The following EHF variants were observed in gnomAD, a reference collection of about 807,000 sequenced individuals.
The protein encoded by EHF is ETS homologous factor.
Under a neutral mutation model 45.1 loss-of-function variants are expected in EHF, and 14 were observed. The observed-to-expected ratio is 0.31, with a 90% confidence interval of 0.21 to 0.49. The LOEUF (loss-of-function observed/expected upper bound fraction) is 0.49. Among genes scored for constraint, EHF ranks in the 20% least tolerant of loss-of-function variants. The pLI is 0.99. For synonymous variants in EHF, 136 were observed against 131.8 expected, an observed-to-expected ratio of 1.03 and a Z score of -0.22; for missense variants, 282 against 371.4, an observed-to-expected ratio of 0.76 and a Z score of 1.98.
rs1429442871 is a variant in EHF, at chr11:34,649,047, C to G, written c.372C>G (p.Ser124=). 9.3e-6 allele frequency: 15 copies of G among 1,613,872 alleles called. No homozygotes were observed. The highest frequency in any genetic ancestry group is 1.6e-4 in the Middle Eastern group (1 of 6,062). Residue 124 remains serine, a synonymous_variant, in exon 4 of 9, where the codon TCC becomes TCG. Transcript: ENST00000257831. ...AGTGCAGTAGTGACCTGTTCCAGTC[C>G]ACACACAATGTCATTGTCAAGACTG... ...NGQCSSDLFQ[S]THNVIVKTEQ... is the part of the protein sequence containing the mutation.
intron 1 of EHF, among the ~76,000 whole-genome samples, chr11:34,634,167 A>C (rs546258610): frequency 6.6e-6 from 1 of 151,878 alleles, no homozygotes; most frequent in East Asian, 1.9e-4. Flanking sequence ...TATTATATTC[A>C]GTTGCCTTTC....
intron 3 of EHF, 72 bp from the exon 4 acceptor site, chr11:34,648,947 C>T (rs902697132): frequency 6.2e-5 from 90 of 1,442,848 alleles, no homozygotes; most frequent in Non-Finnish European, 8.2e-5. Context: ...GATGCCAGTT[C>T]TGTCCTTATT....
intron 1 of EHF, among the ~76,000 whole-genome samples, chr11:34,635,701 C>CT (rs11381442): frequency 0.55 from 67,972 of 124,082 alleles, 20,217 homozygotes; most frequent in Non-Finnish European, 0.65. Flanking sequence ...TCTTCCTGGT[C>CT]TTTTTTTTTT....
At chr11:34,641,147 T>G (rs1200068027) in intron 1 of EHF, among the ~76,000 whole-genome samples, 1 of 152,150 alleles carries the variant, frequency 6.6e-6, no homozygotes, top group East Asian at 1.9e-4. Context: ...TCTTTGCTGT[T>G]ATAATGTCCA....
chr11:34,632,372 T>C, intron 1 of EHF: 1 of 1,070,584 alleles, frequency 9.3e-7, no homozygotes, highest in Non-Finnish European at 1.3e-6. Flanking sequence ...AACAGCTCTG[T>C]TTACGGTGGG....
rs1372669982 is a variant in EHF at position 34,658,705 on chromosome 11, T to C, written c.780T>C (p.Tyr260=). 3.1e-6 allele frequency: 5 copies of C among 1,613,556 alleles called. No homozygotes were observed. The highest frequency in any genetic ancestry group is 4.5e-5 in the East Asian group (2 of 44,866). The change falls in exon 8 of 9, where the codon TAT becomes TAC. Residue 260 remains tyrosine, a synonymous_variant. Coordinates refer to ENST00000257831, the MANE Select transcript of EHF (RefSeq NM_012153.6). Reference sequence around the variant, plus strand: ...AGAAGAACAACAGCAGCATGACCTATGAAAAGCTCAGCCGAGCTATGAGGT... The same window carrying C: ...AGAAGAACAACAGCAGCATGACCTACGAAAAGCTCAGCCGAGCTATGAGGT... ...GKKKNNSSMT[Y]EKLSRAMRYY... is the part of the protein sequence containing the mutation.
chr11:34,633,325 A>G (rs1458817091), intron 1 of EHF, among the ~76,000 whole-genome samples: 1 of 152,184 alleles, frequency 6.6e-6, no homozygotes, highest in East Asian at 1.9e-4. Flanking sequence ...CTAACTTTAT[A>G]AGGACTTGCT....
chr11:34,639,100 T>C lies in EHF; in HGVS notation c.-3-3528T>C, dbSNP rs142648428. 9.3e-4 allele frequency among the ~76,000 whole-genome samples: 141 copies of C among 152,284 alleles called. 1 individual carries two copies. Among genetic ancestry groups the C allele is most frequent in the African/African-American group, 3.2e-3 (133 of 41,564 alleles). On this transcript the variant is annotated intron_variant, in intron 1 of 8. Transcript: ENST00000257831. ...CGCAACCCCCTCCAGCTCTCCCATT[T>C]CTAAACCAGTGCGAGAAATGGAGGC...
intron 4 of EHF, among the ~76,000 whole-genome samples, chr11:34,650,608 G>T (rs1051997803): frequency 6.6e-6 from 1 of 152,200 alleles, no homozygotes; most frequent in African/African-American, 2.4e-5. Context: ...GGTAACCTAG[G>T]TCTGCGGTGA....
At chr11:34,622,237 TC>T (rs2133952945) in intron 1 of EHF, 1 of 263,976 alleles carries the variant, frequency 3.8e-6, no homozygotes, top group African/African-American at 2.2e-5. Flanking sequence ...TTTACCATGC[TC>T]CCAGGATGGT....
chr11:34,655,326 A>G (rs1855558073), intron 6 of EHF, among the ~76,000 whole-genome samples: 1 of 152,198 alleles, frequency 6.6e-6, no homozygotes, highest in African/African-American at 2.4e-5. Context: ...AGATGGTTGA[A>G]AGGGCCCATG....
At chr11:34,631,607 G>C in intron 1 of EHF, 2 of 982,422 alleles carry the variant, frequency 2.0e-6, no homozygotes, top group African/African-American at 3.5e-5. Context: ...AGATGAGTGG[G>C]TCTACACAGC....
intron 6 of EHF, among the ~76,000 whole-genome samples, chr11:34,652,709 G>T (rs74903044): frequency 1.5e-5 from 1 of 66,404 alleles, no homozygotes; most frequent in African/African-American, 3.1e-5. Context: ...CTTTGTGAAA[G>T]AAATTAGTCT....
chr11:34,644,194 A>G (rs1266983504), intron 2 of EHF, among the ~76,000 whole-genome samples: 2 of 152,150 alleles, frequency 1.3e-5, no homozygotes, highest in Admixed American at 6.5e-5. Context: ...ATTATTCTAG[A>G]TGTGCTGTTA....
At chr11:34,628,897 G>T (rs1434174133) in intron 1 of EHF, among the ~76,000 whole-genome samples, 1 of 152,160 alleles carries the variant, frequency 6.6e-6, no homozygotes, top group Non-Finnish European at 1.5e-5. Context: ...TTCCATGTTT[G>T]GTTTAAGGCT....
chr11:34,657,733 T>A (rs1279867568), intron 7 of EHF, among the ~76,000 whole-genome samples: 1 of 151,598 alleles, frequency 6.6e-6, no homozygotes, highest in African/African-American at 2.4e-5. Context: ...TAGGCTGTGA[T>A]GAACTGTAAT....
chr11:34,639,916 A>C (rs1853814053), intron 1 of EHF, among the ~76,000 whole-genome samples: 1 of 152,194 alleles, frequency 6.6e-6, no homozygotes, highest in Non-Finnish European at 1.5e-5. Context: ...GGATGTTTCC[A>C]GAAGGTCATG....
At position 34,639,270 on chromosome 11, in the gene EHF, G is replaced by A. The variant is rs532373491; in HGVS notation, c.-3-3358G>A. 2.6e-5 allele frequency among the ~76,000 whole-genome samples: 4 copies of A among 152,196 alleles called. No homozygotes were observed. The East Asian group carries it at 7.7e-4, about 29-fold the overall frequency. ...GAAAATAATGAAAGCTATGCTGAAA[G>A]CAAAGTAGGGAGCTGAAATAAGAGC... On this transcript the variant is annotated intron_variant, in intron 1 of 8. Transcript: ENST00000257831.
chr11:34,649,721 C>T (rs1277036100), intron 4 of EHF, among the ~76,000 whole-genome samples: 3 of 152,134 alleles, frequency 2.0e-5, no homozygotes, highest in Non-Finnish European at 4.4e-5. Context: ...GGAGACTGTC[C>T]TCCAAAGTCC....
Sources: allele counts gnomAD v4.1 joint callset (sites outside exome capture counted in the v4.1 genomes callset), GRCh38; gene constraint gnomAD v4.1.1; transcripts MANE v1.5; gene names NCBI Gene and HGNC (gene_info 2026-07-23, HGNC 2026-07-21).